MAGEA11: variants seen among roughly 807,000 people sequenced by gnomAD.
MAGEA11 encodes MAGE family member A11.
In MAGEA11, 1 loss-of-function variant was observed where a neutral mutation model predicts 8.4. The ratio of observed to expected loss-of-function variants is 0.12; its 90% confidence interval spans 0.04 to 0.57. The LOEUF is 0.57. MAGEA11 is among the 20% of genes least tolerant of loss of function. MAGEA11 has a pLI of 0.91. For synonymous variants in MAGEA11, 127 were observed against 119.3 expected (o/e 1.06, Z -0.42); for missense variants, 209 against 317.3 (o/e 0.66, Z 2.59).
chrX:149,707,193 A>G (rs2090381186), upstream of MAGEA11, among the ~76,000 whole-genome samples: 1 of 112,367 alleles, frequency 8.9e-6, no homozygotes, highest in South Asian at 3.7e-4. Context: ...AAATACTAGG[A>G]CCATAGAACT....
intron 1 of MAGEA11, among the ~76,000 whole-genome samples, chrX:149,691,284 T>C (rs905616128): frequency 9.0e-6 from 1 of 111,635 alleles, no homozygotes; most frequent in Non-Finnish European, 1.9e-5. Flanking sequence ...GGTTCTCATA[T>C]ACATTCATAA....
chrX:149,713,391 G>A (rs2090412028), intron 2 of MAGEA11, 136 bp downstream of exon 2: 1 of 416,385 alleles, frequency 2.4e-6, no homozygotes, highest in African/African-American at 2.6e-5. Flanking sequence ...CCAGGGAGGA[G>A]TCCCAGAGGG....
upstream of MAGEA11, among the ~76,000 whole-genome samples, chrX:149,709,351 C>A (rs782742373): frequency 7.3e-5 from 8 of 109,884 alleles, no homozygotes; most frequent in African/African-American, 2.6e-4. Context: ...ACATTACAAA[C>A]TAAAACTGTA....
upstream of MAGEA11, chrX:149,711,945 G>A (rs1449004198): frequency 4.3e-5 from 4 of 92,290 alleles, no homozygotes; most frequent in East Asian, 2.7e-3. Context: ...GCCCCGCCCC[G>A]CCTCGCCTCG....
At chrX:149,709,397 A>C (rs1212476218), upstream of MAGEA11, among the ~76,000 whole-genome samples, 3 of 112,332 alleles carry the variant, frequency 2.7e-5, no homozygotes, top group Non-Finnish European at 3.8e-5. Context: ...GATCCAGGAA[A>C]AGAAAGTTTC....
chrX:149,712,450 C>T (rs1240753390), intron 1 of MAGEA11, among the ~76,000 whole-genome samples: 3 of 112,259 alleles, frequency 2.7e-5, no homozygotes, highest in African/African-American at 9.7e-5. Context: ...AAAGTCCATC[C>T]TTGTCCCTGC....
chrX:149,707,352 T>C (rs932408096), upstream of MAGEA11, among the ~76,000 whole-genome samples: 3 of 111,789 alleles, frequency 2.7e-5, no homozygotes, highest in Middle Eastern at 4.6e-3. Context: ...ACACAATAAA[T>C]CATGAAACAA....
chrX:149,698,747 C>T (rs782174696), intron 1 of MAGEA11, among the ~76,000 whole-genome samples: 1 of 111,597 alleles, frequency 9.0e-6, no homozygotes, highest in Non-Finnish European at 1.9e-5. Context: ...CATGCATTAG[C>T]TATTTTTCCT....
intron 2 of MAGEA11, 197 bp downstream of exon 2, chrX:149,713,452 C>T (rs1248037713): frequency 3.0e-5 from 11 of 365,725 alleles, no homozygotes; most frequent in Admixed American, 5.6e-5. Context: ...CCCCTGCCAT[C>T]GGTCCTTGGA....
rs1438399540 is a variant in MAGEA11, at chrX:149,688,921, A to G, written c.-55A>G. On this transcript the variant is annotated 5_prime_UTR_variant, in exon 1 of 4. Transcript: ENST00000333104. ...GACCCCTTTCATAGAGGTGGGTGCT[A>G]TGCAAGTGGAGCTGGTGACTGATGG... 7 of 1,009,443 alleles carry G rather than the reference A, an allele frequency of 6.9e-6. No homozygotes were observed. In the African/African-American group the frequency reaches 7.9e-5, roughly 11 times the overall value. 83.2% of individuals were successfully genotyped at this position (1,009,443 alleles called of 1,213,427 possible).
intron 1 of MAGEA11, among the ~76,000 whole-genome samples, chrX:149,700,820 G>T (rs1199334209): frequency 9.6e-6 from 1 of 103,854 alleles, no homozygotes; most frequent in Non-Finnish European, 2.0e-5. Flanking sequence ...GCGGTGTTTG[G>T]TTTTTTGTTC....
intron 1 of MAGEA11, among the ~76,000 whole-genome samples, chrX:149,698,467 A>G (rs1557360746): frequency 8.9e-6 from 1 of 111,858 alleles, no homozygotes; most frequent in African/African-American, 3.3e-5. Flanking sequence ...GACAAATCTC[A>G]ATAATGATAC....
chrX:149,714,430 T>C, intron 2 of MAGEA11, 51 bp from the exon 3 acceptor site: 1 of 1,188,036 alleles, frequency 8.4e-7, no homozygotes, highest in Non-Finnish European at 1.1e-6. Flanking sequence ...AACCACATGA[T>C]GGGGTGATGG....
chrX:149,691,004 G>A (rs1004776961), intron 1 of MAGEA11, among the ~76,000 whole-genome samples: 4 of 111,730 alleles, frequency 3.6e-5, no homozygotes, highest in Non-Finnish European at 5.7e-5. Context: ...GAAATCTGCT[G>A]TCATCGTTAT....
chrX:149,697,189 C>G (rs1371532674), intron 1 of MAGEA11, among the ~76,000 whole-genome samples: 1 of 110,651 alleles, frequency 9.0e-6, no homozygotes, highest in Non-Finnish European at 1.9e-5. Context: ...ACCCTGTGCC[C>G]TCTCCCTATT....
upstream of MAGEA11, among the ~76,000 whole-genome samples, chrX:149,710,582 G>C (rs2090395306): frequency 9.0e-6 from 1 of 110,864 alleles, no homozygotes; most frequent in South Asian, 3.9e-4. Context: ...CCTACCAGCT[G>C]GGACTGCAGT....
intron 3 of MAGEA11, 64 bp from the exon 4 acceptor site, chrX:149,715,540 T>C (rs2233047): frequency 0.041 from 34,440 of 835,623 alleles, 3,516 homozygotes; most frequent in Admixed American, 0.35. Context: ...CCTACCTCAG[T>C]CCTGGAGCCT....
In MAGEA11 at chrX:149,695,679, G is replaced by A. The variant is rs139404916; in HGVS notation, c.9+6695G>A. On this transcript the variant is annotated intron_variant, in intron 1 of 3. Coordinates refer to the MAGEA11 transcript ENST00000333104. Reference sequence around the variant, plus strand: ...TTCGTTAGTCACTAGGGAAATGCGAGTCAAAACCTAAATGAGATACTATTT... The same window carrying A: ...TTCGTTAGTCACTAGGGAAATGCGAATCAAAACCTAAATGAGATACTATTT... Among the ~76,000 whole-genome samples, 341 of 112,371 alleles carry A rather than the reference G, an allele frequency of 3.0e-3. 1 individual carries two copies. Among genetic ancestry groups the A allele is most frequent in the Middle Eastern group, 9.3e-3 (2 of 216 alleles).
chrX:149,708,972 G>C (rs782070468), upstream of MAGEA11, among the ~76,000 whole-genome samples: 7 of 93,764 alleles, frequency 7.5e-5, no homozygotes, highest in Non-Finnish European at 1.5e-4. Flanking sequence ...AATCCTAAGT[G>C]AAATGAACTA....
Sources: gnomAD v4.1 joint callset for allele counts (sites outside exome capture counted in the v4.1 genomes callset) on GRCh38, gnomAD v4.1.1 for gene constraint, MANE v1.5 for transcripts, NCBI Gene and HGNC (gene_info 2026-07-23, HGNC 2026-07-21) for gene names.